WDR27: variants seen among roughly 807,000 people sequenced by gnomAD.
The protein encoded by WDR27 is WD repeat domain 27, also known as WD repeat-containing protein 27.
Under a neutral mutation model 114.4 loss-of-function variants are expected in WDR27, and 100 were observed. That is an observed-to-expected ratio of 0.87 (90% CI 0.74 to 1.03). The LOEUF (loss-of-function observed/expected upper bound fraction) is 1.03, where lower values mean the gene tolerates loss of function less well. Among genes scored for constraint, WDR27 ranks in the 50% least tolerant of loss-of-function variants. The pLI is 0.00. For synonymous variants in WDR27, 449 were observed against 423.1 expected (o/e 1.06, Z -0.75); for missense variants, 1,129 against 1,092.9 (o/e 1.03, Z -0.47).
intron 25 of WDR27, among the ~76,000 whole-genome samples, chr6:169,547,794 T>C (rs1184363548): frequency 6.6e-6 from 1 of 152,094 alleles, no homozygotes; most frequent in African/African-American, 2.4e-5. Flanking sequence ...TATACTGGAA[T>C]TCCTAGCTAA....
intron 24 of WDR27, among the ~76,000 whole-genome samples, chr6:169,581,983 A>AT (rs1449005327): frequency 2.0e-5 from 3 of 151,790 alleles, no homozygotes; most frequent in Admixed American, 6.6e-5. Context: ...TTTATTTTTT[A>AT]TTTTTTTTGA....
chr6:169,476,342 T>C (rs1209388275), intron 25 of WDR27, among the ~76,000 whole-genome samples: 2 of 152,210 alleles, frequency 1.3e-5, no homozygotes, highest in Non-Finnish European at 2.9e-5. Context: ...TGTCTTGAGT[T>C]AAAAGAACCT....
At chr6:169,458,967 AT>A (rs1441290626) in intron 25 of WDR27, among the ~76,000 whole-genome samples, 1 of 151,984 alleles carries the variant, frequency 6.6e-6, no homozygotes, top group Non-Finnish European at 1.5e-5. Context: ...GACAAAAAAA[AT>A]CAAACCCAGG....
intron 24 of WDR27, among the ~76,000 whole-genome samples, chr6:169,579,258 G>A (rs1481626657): frequency 6.6e-6 from 1 of 152,202 alleles, no homozygotes; most frequent in East Asian, 1.9e-4. Flanking sequence ...GCTGTAATGT[G>A]GAGGTAGAAG....
intron 25 of WDR27, among the ~76,000 whole-genome samples, chr6:169,495,168 T>C (rs774820638): frequency 2.6e-5 from 4 of 152,014 alleles, no homozygotes; most frequent in African/African-American, 7.2e-5. Context: ...CATAGAAAGA[T>C]AGCAACATAA....
Position 169,640,431 on chromosome 6 carries a change from G to T in WDR27, c.1748-1771C>A, listed in dbSNP as rs562760903. Among the ~76,000 whole-genome samples, 13 of 152,322 alleles carry T rather than the reference G, an allele frequency of 8.5e-5. No individual in the cohort carries two copies. The South Asian group carries it at 1.2e-3, about 15-fold the overall frequency. On this transcript the variant is annotated intron_variant, in intron 17 of 25. Transcript: ENST00000448612. ...TCACAGCGCAGAAAAACGTGAAATAGCTTTGCTGCCCTCACGTGTAGAGTT... is the reference window on the plus strand; with the variant it reads ...TCACAGCGCAGAAAAACGTGAAATATCTTTGCTGCCCTCACGTGTAGAGTT...
intron 24 of WDR27, among the ~76,000 whole-genome samples, chr6:169,580,461 T>C (rs1450564511): frequency 1.3e-5 from 2 of 152,260 alleles, no homozygotes; most frequent in Non-Finnish European, 2.9e-5. Context: ...TTCAGAGTTC[T>C]AAGAAAGCTG....
At chr6:169,551,004 C>A (rs1798026273) in intron 25 of WDR27, among the ~76,000 whole-genome samples, 1 of 152,146 alleles carries the variant, frequency 6.6e-6, no homozygotes, top group African/African-American at 2.4e-5. Context: ...GTGTCAGCCA[C>A]CGCACCTGGA....
chr6:169,550,499 A>G (rs566231384), intron 25 of WDR27, among the ~76,000 whole-genome samples: 1 of 152,124 alleles, frequency 6.6e-6, no homozygotes, highest in African/African-American at 2.4e-5. Context: ...GGCTCATTGC[A>G]ACCTCCACCT....
chr6:169,460,761 G>A (rs1404549915), intron 25 of WDR27, among the ~76,000 whole-genome samples: 3 of 152,118 alleles, frequency 2.0e-5, no homozygotes, highest in African/African-American at 7.2e-5. Flanking sequence ...TCCCATAGTT[G>A]GCCCTGTAAA....
At chr6:169,673,568 G>T (rs1330630175) in intron 2 of WDR27, among the ~76,000 whole-genome samples, 2 of 151,694 alleles carry the variant, frequency 1.3e-5, no homozygotes, top group African/African-American at 2.4e-5. Flanking sequence ...TGAGGGAAGT[G>T]ACCCCAGATG....
At chr6:169,609,743 T>C (rs543148578) in intron 22 of WDR27, among the ~76,000 whole-genome samples, 69 of 152,382 alleles carry the variant, frequency 4.5e-4, no homozygotes, top group African/African-American at 1.6e-3. Context: ...TCAGTATGTA[T>C]GCAAATTTCT....
At chr6:169,508,500 TG>T (rs1331286590) in intron 25 of WDR27, among the ~76,000 whole-genome samples, 2 of 152,146 alleles carry the variant, frequency 1.3e-5, no homozygotes, top group African/African-American at 4.8e-5. Flanking sequence ...ACTCAACAAA[TG>T]TTACTGTACT....
At chr6:169,450,659 G>C in the WDR27 span, among the ~76,000 whole-genome samples, 6 of 152,152 alleles carry the variant, frequency 3.9e-5, no homozygotes, top group Non-Finnish European at 1.5e-5. Flanking sequence ...GAGTACACTG[G>C]GTCTGGCTTC....
At chr6:169,556,533 C>T (rs1026822937) in intron 25 of WDR27, among the ~76,000 whole-genome samples, 3 of 152,202 alleles carry the variant, frequency 2.0e-5, no homozygotes, top group Admixed American at 2.0e-4. Flanking sequence ...GAAGGAAACA[C>T]AGAAGAATAT....
intron 25 of WDR27, among the ~76,000 whole-genome samples, chr6:169,530,534 A>T (rs923470561): frequency 1.3e-5 from 2 of 152,106 alleles, no homozygotes; most frequent in Admixed American, 1.3e-4. Context: ...ACATTTTAGG[A>T]GGGGATGTAA....
intron 23 of WDR27, among the ~76,000 whole-genome samples, chr6:169,591,424 C>CT (rs1805721248): frequency 6.6e-6 from 1 of 152,152 alleles, no homozygotes; most frequent in Non-Finnish European, 1.5e-5. Flanking sequence ...CTGCAATTCT[C>CT]TAAGAAATAA....
At chr6:169,444,306 T>C in the WDR27 span, among the ~76,000 whole-genome samples, 3 of 152,236 alleles carry the variant, frequency 2.0e-5, no homozygotes, top group Non-Finnish European at 2.9e-5. Context: ...CATCAAATGA[T>C]GGTCTCCTCT....
chr6:169,534,254 T>C (rs1454694701), intron 25 of WDR27, among the ~76,000 whole-genome samples: 1 of 152,234 alleles, frequency 6.6e-6, no homozygotes, highest in Non-Finnish European at 1.5e-5. Flanking sequence ...GCTGATGGTG[T>C]GTAATCCTTT....
Sources: allele counts gnomAD v4.1 joint callset (sites outside exome capture counted in the v4.1 genomes callset), GRCh38; gene constraint gnomAD v4.1.1; transcripts MANE v1.5; gene names NCBI Gene and HGNC (gene_info 2026-07-23, HGNC 2026-07-21).